The following NDST4 variants were observed in gnomAD, a reference collection of about 807,000 sequenced individuals.
NDST4 encodes the protein N-deacetylase and N-sulfotransferase 4, also known as N-heparan sulfate sulfotransferase 4.
NDST4 carries 63 observed loss-of-function variants against 100.8 expected under a neutral mutation model. The ratio of observed to expected loss-of-function variants is 0.62; its 90% CI spans 0.51 to 0.77. The LOEUF is 0.77. Ranked by LOEUF, NDST4 falls within the 30% of genes least tolerant of loss-of-function variation. The probability of loss-of-function intolerance (pLI) is 0.00; values close to 1 mark genes in which losing one functional copy is unlikely to be tolerated. For missense variants in NDST4, 943 were observed against 1,018.4 expected (o/e 0.93, Z 1.01); for synonymous variants, 377 against 361.8 (o/e 1.04, Z -0.48).
intron 10 of NDST4, among the ~76,000 whole-genome samples, chr4:114,840,402 A>G (rs1723400886): frequency 6.6e-6 from 1 of 151,942 alleles, no homozygotes; most frequent in South Asian, 2.1e-4. Flanking sequence ...AGACATAACC[A>G]CTCTCTTCAA....
chr4:114,961,109 A>G (rs999715274), intron 4 of NDST4, among the ~76,000 whole-genome samples: 10 of 152,180 alleles, frequency 6.6e-5, no homozygotes, highest in Admixed American at 1.3e-4. Flanking sequence ...TTAAGCAGCC[A>G]CTAGGAATAA....
chr4:115,096,472 T>C (rs1729623279), intron 1 of NDST4, among the ~76,000 whole-genome samples: 1 of 152,052 alleles, frequency 6.6e-6, no homozygotes, highest in Non-Finnish European at 1.5e-5. Flanking sequence ...TTGCTTTCTA[T>C]TTCATAGAGA....
Position 114,870,820 on chromosome 4 carries a change from A to G in NDST4, c.1667T>C (p.Leu556Pro). The G allele has an allele frequency of 6.2e-7, 1 of 1,613,144 alleles. No individual in the cohort carries two copies. The highest frequency in any genetic ancestry group is 8.5e-7 in the Non-Finnish European group (1 of 1,179,388). Residue 556 changes from leucine to proline, a missense_variant, in exon 7 of 14, where the codon CTG (leucine) becomes CCG (proline). Transcript: ENST00000264363. Reference sequence around the variant, plus strand: ...GAAGAGCTCAAAATACTGGTGGGCCAGTTGCACTGGAGGCAGAGTTTGCAA... The same window carrying G: ...GAAGAGCTCAAAATACTGGTGGGCCGGTTGCACTGGAGGCAGAGTTTGCAA... ...LKLQTLPPVQ[L>P]AHQYFELFPE...
At chr4:115,098,468 G>A (rs1210473333) in intron 1 of NDST4, among the ~76,000 whole-genome samples, 1 of 151,986 alleles carries the variant, frequency 6.6e-6, no homozygotes, top group Non-Finnish European at 1.5e-5. Flanking sequence ...ATGAAAATAT[G>A]GATTAAAAAG....
At position 114,890,645 on chromosome 4, in the gene NDST4, A is replaced by C. The variant is rs980407592; in HGVS notation, c.1537-19695T>G. ...TGCAAGTGCTTTCCCAGTATGCCCA[A>C]ACTCTAACTTTATCCTCTCTCTCTC... On this transcript the variant is annotated intron_variant, in intron 6 of 13. Transcript: ENST00000264363. 3.3e-5 allele frequency among the ~76,000 whole-genome samples: 5 copies of C among 152,176 alleles called. No homozygotes were observed. The East Asian group carries it at 9.7e-4, about 29-fold the overall frequency.
At chr4:114,911,715 T>C (rs1387478737) in intron 6 of NDST4, among the ~76,000 whole-genome samples, 1 of 152,160 alleles carries the variant, frequency 6.6e-6, no homozygotes, top group Admixed American at 6.6e-5. Context: ...TATTGGGTAT[T>C]TTTTCCTTTA....
intron 2 of NDST4, among the ~76,000 whole-genome samples, chr4:114,987,487 G>A (rs1726939534): frequency 6.6e-6 from 1 of 152,142 alleles, no homozygotes; most frequent in Non-Finnish European, 1.5e-5. Flanking sequence ...GGATGTTTGA[G>A]CTACCTTCTT....
At chr4:114,839,612 T>G (rs1401381836) in intron 10 of NDST4, 64 bp from the exon 11 acceptor site, 8 of 1,460,012 alleles carry the variant, frequency 5.5e-6, no homozygotes, top group Non-Finnish European at 7.6e-6. Flanking sequence ...TATGCATATG[T>G]GTATGGGTGA....
chr4:114,978,822 C>T (rs1201720626), intron 2 of NDST4, among the ~76,000 whole-genome samples: 3 of 151,972 alleles, frequency 2.0e-5, no homozygotes, highest in African/African-American at 7.2e-5. Flanking sequence ...TATCTTTCTT[C>T]CTCTAAGTTC....
chr4:114,862,537 T>C (rs866705305), intron 7 of NDST4, among the ~76,000 whole-genome samples: 1 of 152,162 alleles, frequency 6.6e-6, no homozygotes, highest in African/African-American at 2.4e-5. Context: ...TAATTGATAA[T>C]TCATTGCCAC....
At chr4:114,948,087 A>G (rs1725908456) in intron 4 of NDST4, among the ~76,000 whole-genome samples, 1 of 152,160 alleles carries the variant, frequency 6.6e-6, no homozygotes, top group Admixed American at 6.6e-5. Context: ...CACTTTGCAG[A>G]AAGAGTAGAT....
chr4:115,013,346 C>CATATATATATATATAT lies in NDST4; in HGVS notation c.979-36088_979-36073dup, dbSNP rs200801455. Among the ~76,000 whole-genome samples, 249 of 65,242 alleles carry CATATATATATATATAT rather than the reference C, an allele frequency of 3.8e-3. 2 individuals are homozygous for CATATATATATATATAT. The highest frequency in any genetic ancestry group is 9.9e-3 in the African/African-American group (204 of 20,600). 42.8% of individuals were successfully genotyped at this position (65,242 alleles called of 152,430 possible). On this transcript the variant is annotated intron_variant, in intron 2 of 13. Coordinates refer to ENST00000264363, the MANE Select transcript of NDST4 (RefSeq NM_022569.3). ...ATGTACTCCATAAAAATATAAATAC[C>CATATATATATATATAT]ATATATATATATATATATATATATA...
At chr4:114,834,921 T>C (rs1175707746) in intron 11 of NDST4, among the ~76,000 whole-genome samples, 3 of 152,250 alleles carry the variant, frequency 2.0e-5, no homozygotes, top group South Asian at 4.1e-4. Context: ...TATTCTCTGA[T>C]GACAGTTTGT....
chr4:115,071,276 TCACACACACACACACA>T (rs70964340), intron 2 of NDST4, among the ~76,000 whole-genome samples: 23 of 138,272 alleles, frequency 1.7e-4, no homozygotes, highest in African/African-American at 4.0e-4. Context: ...AAGTATGCCT[TCACACACACACACACA>T]CACACACACA....
chr4:114,907,153 C>T (rs886909459), intron 6 of NDST4, among the ~76,000 whole-genome samples: 1 of 152,026 alleles, frequency 6.6e-6, no homozygotes, highest in African/African-American at 2.4e-5. Flanking sequence ...GGAAATAAAG[C>T]CGAGGCAGTG....
intron 2 of NDST4, among the ~76,000 whole-genome samples, chr4:115,022,090 A>G (rs1348782251): frequency 6.9e-6 from 1 of 145,324 alleles, no homozygotes. Context: ...CACGTTCCAT[A>G]TATACACGTT....
intron 2 of NDST4, among the ~76,000 whole-genome samples, chr4:115,066,829 G>C (rs1484542760): frequency 6.6e-6 from 1 of 152,120 alleles, no homozygotes; most frequent in Non-Finnish European, 1.5e-5. Flanking sequence ...GGGAAGTATT[G>C]CTGATGGCTC....
At chr4:114,839,588 A>T (rs371332845) in intron 10 of NDST4, 40 bp from the exon 11 acceptor site, 5 of 1,598,690 alleles carry the variant, frequency 3.1e-6, no homozygotes, top group Non-Finnish European at 4.3e-6. Context: ...GATTTTTTTT[A>T]ATGCCTGTGT....
In NDST4 at chr4:115,004,165, A is replaced by C. The variant is rs368826609; in HGVS notation, c.979-26891T>G. Among the ~76,000 whole-genome samples the C allele has an allele frequency of 6.0e-3, 911 of 152,310 alleles. 13 individuals are homozygous for C. Among genetic ancestry groups the C allele is most frequent in the African/African-American group, 0.021 (854 of 41,584 alleles). ...GTTTATTTTAATCAAATAGGAAAAA[A>C]TACCCAATGATTAAAAATATAAACA... On this transcript the variant is annotated intron_variant, in intron 2 of 13. Transcript: ENST00000264363.
Sources: allele counts gnomAD v4.1 joint callset (sites outside exome capture counted in the v4.1 genomes callset), GRCh38; gene constraint gnomAD v4.1.1; transcripts MANE v1.5; gene names NCBI Gene and HGNC (gene_info 2026-07-23, HGNC 2026-07-21).